Variants in CSMD1 observed in about 807,000 individuals in gnomAD.
The protein encoded by CSMD1 is CUB and Sushi multiple domains 1.
A neutral mutation model predicts 417.5 loss-of-function variants in CSMD1; 213 were observed. That is an observed-to-expected ratio of 0.51 (90% CI 0.46 to 0.57). The LOEUF is 0.57. Among genes scored for constraint, CSMD1 ranks in the 20% least tolerant of loss-of-function variants. The pLI is 0.00. For synonymous variants in CSMD1, 2,862 were observed against 1,736.8 expected (o/e 1.65, Z -16.11); for missense variants, 6,923 against 4,529.7 (o/e 1.53, Z -15.17).
At chr8:4,408,589 G>A (rs887563271) in intron 3 of CSMD1, among the ~76,000 whole-genome samples, 2 of 152,026 alleles carry the variant, frequency 1.3e-5, no homozygotes, top group African/African-American at 4.8e-5. Context: ...GAAAAGTGAA[G>A]GAAGCAATTA....
intron 5 of CSMD1, among the ~76,000 whole-genome samples, chr8:3,858,097 T>G (rs543714538): frequency 6.6e-6 from 1 of 152,232 alleles, no homozygotes; most frequent in African/African-American, 2.4e-5. Context: ...CCAATTGAAT[T>G]TTAATAACAT....
chr8:3,269,716 T>A (rs1471837129), intron 26 of CSMD1, among the ~76,000 whole-genome samples: 3 of 152,176 alleles, frequency 2.0e-5, no homozygotes, highest in Non-Finnish European at 4.4e-5. Flanking sequence ...GAACTCCATT[T>A]TCGTGAGTTT....
At chr8:4,922,236 G>C (rs917822366) in intron 1 of CSMD1, among the ~76,000 whole-genome samples, 30 of 152,072 alleles carry the variant, frequency 2.0e-4, no homozygotes, top group Non-Finnish European at 8.8e-5. Flanking sequence ...TGTACCTTCA[G>C]TTCTAATGGC....
At chr8:3,753,386 G>T (rs1030278771) in intron 6 of CSMD1, among the ~76,000 whole-genome samples, 6 of 152,114 alleles carry the variant, frequency 3.9e-5, no homozygotes, top group South Asian at 2.1e-4. Flanking sequence ...GAGAGAAAAA[G>T]AACATTTCAT....
At chr8:3,842,974 T>C (rs1486291728) in intron 5 of CSMD1, among the ~76,000 whole-genome samples, 1 of 152,184 alleles carries the variant, frequency 6.6e-6, no homozygotes, top group African/African-American at 2.4e-5. Flanking sequence ...GCTCACTCAA[T>C]TGTTTAGTTT....
intron 12 of CSMD1, among the ~76,000 whole-genome samples, chr8:3,429,300 GATA>G (rs1228326973): frequency 1.3e-5 from 2 of 152,126 alleles, no homozygotes; most frequent in Non-Finnish European, 2.9e-5. Flanking sequence ...AAACAGAAAT[GATA>G]ATAAAATGCT....
At chr8:3,390,502 T>C (rs926175636) in intron 17 of CSMD1, among the ~76,000 whole-genome samples, 4 of 152,122 alleles carry the variant, frequency 2.6e-5, no homozygotes, top group African/African-American at 7.2e-5. Context: ...TCCTACCTTC[T>C]TTCCCATTCT....
At chr8:3,135,343 G>C (rs1205316511) in intron 41 of CSMD1, among the ~76,000 whole-genome samples, 2 of 152,174 alleles carry the variant, frequency 1.3e-5, no homozygotes, top group Non-Finnish European at 2.9e-5. Flanking sequence ...TTATATCACT[G>C]TTCCATGGCA....
intron 1 of CSMD1, among the ~76,000 whole-genome samples, chr8:4,828,501 C>A (rs1233952407): frequency 2.0e-5 from 3 of 152,034 alleles, no homozygotes; most frequent in African/African-American, 7.2e-5. Flanking sequence ...GGGGTAAGAT[C>A]CGAAAGCACC....
intron 5 of CSMD1, among the ~76,000 whole-genome samples, chr8:3,914,678 C>T (rs1219272505): frequency 1.3e-5 from 2 of 152,110 alleles, no homozygotes; most frequent in Admixed American, 6.6e-5. Context: ...ATTAAGTCAG[C>T]TTGGTTGTCA....
chr8:4,130,698 G>T (rs10099471), intron 3 of CSMD1, among the ~76,000 whole-genome samples: 2 of 149,490 alleles, frequency 1.3e-5, no homozygotes, highest in Non-Finnish European at 3.0e-5. Flanking sequence ...GAATTTTGGA[G>T]GGGAGTAGAT....
At chr8:3,585,279 C>A (rs955816331) in intron 9 of CSMD1, among the ~76,000 whole-genome samples, 1 of 152,208 alleles carries the variant, frequency 6.6e-6, no homozygotes, top group South Asian at 2.1e-4. Flanking sequence ...AACTAAAATG[C>A]TTAAAAGTTT....
At chr8:4,455,964 T>C (rs1371446860) in intron 2 of CSMD1, among the ~76,000 whole-genome samples, 2 of 21,666 alleles carry the variant, frequency 9.2e-5, no homozygotes, top group Non-Finnish European at 2.1e-4. Flanking sequence ...AAAAAAAAAA[T>C]GCAGTTAAGA....
At chr8:4,203,064 A>G (rs1254762083) in intron 3 of CSMD1, among the ~76,000 whole-genome samples, 2 of 152,156 alleles carry the variant, frequency 1.3e-5, no homozygotes, top group Non-Finnish European at 2.9e-5. Flanking sequence ...AGAGTTAAGG[A>G]TTTTGAGCAA....
intron 5 of CSMD1, among the ~76,000 whole-genome samples, chr8:3,806,102 C>G (rs1800724853): frequency 6.6e-6 from 1 of 152,010 alleles, no homozygotes; most frequent in African/African-American, 2.4e-5. Context: ...TCCAATATGC[C>G]TTTTAGTTGT....
chr8:3,544,075 G>T (rs570300668), intron 10 of CSMD1, among the ~76,000 whole-genome samples: 1 of 152,120 alleles, frequency 6.6e-6, no homozygotes. Context: ...CAAGGTGTGA[G>T]AGGTGTTTGA....
At chr8:4,975,574 G>A (rs112056973) in intron 1 of CSMD1, among the ~76,000 whole-genome samples, 3 of 152,290 alleles carry the variant, frequency 2.0e-5, no homozygotes, top group East Asian at 3.9e-4. Flanking sequence ...CTGGAATACA[G>A]TGGAGTTTGG....
intron 5 of CSMD1, among the ~76,000 whole-genome samples, chr8:3,810,132 C>G (rs1240896609): frequency 6.6e-6 from 1 of 152,100 alleles, no homozygotes; most frequent in African/African-American, 2.4e-5. Context: ...CAAGAGTGCT[C>G]CCAGGCCCCA....
Position 4,716,354 on chromosome 8 carries a change from A to G in CSMD1, c.86-78796T>C, listed in dbSNP as rs1440187107. 2.0e-5 allele frequency among the ~76,000 whole-genome samples: 3 copies of G among 152,230 alleles called. No homozygotes were observed. The East Asian group carries it at 5.8e-4, about 29-fold the overall frequency. ...TCTTCTTCAAGAGAAAACAGGCATG[A>G]CATCAAGTGACTGATCACTGAATTT... On this transcript the variant is annotated intron_variant, in intron 1 of 69. Transcript: ENST00000635120.
Sources: gnomAD v4.1 joint callset for allele counts (sites outside exome capture counted in the v4.1 genomes callset) on GRCh38, gnomAD v4.1.1 for gene constraint, MANE v1.5 for transcripts, NCBI Gene and HGNC (gene_info 2026-07-23, HGNC 2026-07-21) for gene names.